Variants in ZC3H12B observed in about 807,000 individuals in gnomAD.
The protein encoded by ZC3H12B is probable ribonuclease ZC3H12B.
A neutral mutation model predicts 43.9 loss-of-function variants in ZC3H12B; 7 were observed. That is an observed-to-expected ratio of 0.16 (90% CI 0.09 to 0.30). The LOEUF (loss-of-function observed/expected upper bound fraction) is 0.30, where lower values mean the gene tolerates loss of function less well. ZC3H12B is among the 10% of genes least tolerant of loss of function. The pLI is 1.00. For missense variants in ZC3H12B, 475 were observed against 670.2 expected, an observed-to-expected ratio of 0.71 and a Z score of 3.22; for synonymous variants, 222 against 241.7, an observed-to-expected ratio of 0.92 and a Z score of 0.76.
chrX:65,225,467 T>C, the ZC3H12B span, among the ~76,000 whole-genome samples: 2 of 111,693 alleles, frequency 1.8e-5, no homozygotes, highest in African/African-American at 3.3e-5. Context: ...AAGCAGAGCG[T>C]CTCTCCTCCT....
the ZC3H12B span, among the ~76,000 whole-genome samples, chrX:65,045,850 G>A: frequency 1.8e-5 from 2 of 111,958 alleles, no homozygotes; most frequent in East Asian, 5.6e-4. Context: ...CTTGATTCAT[G>A]GACCGCAGAA....
chrX:65,356,405 A>C, the ZC3H12B span, among the ~76,000 whole-genome samples: 2 of 112,071 alleles, frequency 1.8e-5, no homozygotes, highest in Non-Finnish European at 3.8e-5. Context: ...CTAAGCACAC[A>C]AAAATGTAAA....
the ZC3H12B span, among the ~76,000 whole-genome samples, chrX:65,159,050 T>G: frequency 1.8e-5 from 2 of 111,920 alleles, no homozygotes; most frequent in East Asian, 2.8e-4. Context: ...CATTGCTTGT[T>G]TTTCTCAGGT....
chrX:65,378,793 G>A (rs981331273), intron 2 of ZC3H12B, among the ~76,000 whole-genome samples: 6 of 112,731 alleles, frequency 5.3e-5, no homozygotes, highest in East Asian at 2.8e-4. Flanking sequence ...TGCCTCACTC[G>A]GGAAGTGCAA....
At chrX:65,384,443 C>T (rs941512366) in intron 2 of ZC3H12B, among the ~76,000 whole-genome samples, 1 of 110,774 alleles carries the variant, frequency 9.0e-6, no homozygotes, top group Non-Finnish European at 1.9e-5. Flanking sequence ...AGTGCACCAG[C>T]ATGGCACATG....
At chrX:65,364,783 G>T (rs757011550), upstream of ZC3H12B, among the ~76,000 whole-genome samples, 5 of 111,420 alleles carry the variant, frequency 4.5e-5, no homozygotes, top group East Asian at 5.7e-4. Flanking sequence ...TATTTCATCT[G>T]CTATTCTACT....
chrX:65,314,932 A>G, the ZC3H12B span, among the ~76,000 whole-genome samples: 7 of 111,478 alleles, frequency 6.3e-5, no homozygotes, highest in Non-Finnish European at 1.3e-4. Flanking sequence ...TTAACTCTAA[A>G]TTAACTGTAA....
At chrX:65,291,222 G>T in the ZC3H12B span, among the ~76,000 whole-genome samples, 1 of 111,269 alleles carries the variant, frequency 9.0e-6, no homozygotes, top group Non-Finnish European at 1.9e-5. Context: ...CAACCACTAT[G>T]TAAACAGTAT....
the ZC3H12B span, among the ~76,000 whole-genome samples, chrX:65,274,459 A>G: frequency 9.1e-6 from 1 of 109,547 alleles, no homozygotes; most frequent in African/African-American, 3.3e-5. Flanking sequence ...GAATGTCACA[A>G]CCCCAGCTGT....
chrX:65,110,439 GTC>G, the ZC3H12B span, among the ~76,000 whole-genome samples: 27 of 106,843 alleles, frequency 2.5e-4, no homozygotes, highest in Admixed American at 1.4e-3. Flanking sequence ...TTACATTTAA[GTC>G]TCTGATCCAT....
intron 1 of ZC3H12B, among the ~76,000 whole-genome samples, chrX:65,493,646 A>T (rs1221361331): frequency 9.0e-6 from 1 of 111,436 alleles, no homozygotes; most frequent in Non-Finnish European, 1.9e-5. Context: ...ACAATTGCAG[A>T]GGGTGGGGCT....
chrX:65,427,418 T>C (rs1014717375), intron 3 of ZC3H12B, among the ~76,000 whole-genome samples: 1 of 111,118 alleles, frequency 9.0e-6, no homozygotes, highest in African/African-American at 3.3e-5. Flanking sequence ...AACCTCAGCC[T>C]CCTAGGTTCA....
the ZC3H12B span, among the ~76,000 whole-genome samples, chrX:65,228,189 T>C: frequency 1.8e-5 from 2 of 111,732 alleles, no homozygotes; most frequent in Non-Finnish European, 3.8e-5. Flanking sequence ...TCCACCATGA[T>C]CAAGTAGGCT....
At chrX:65,293,123 G>T in the ZC3H12B span, among the ~76,000 whole-genome samples, 50 of 111,915 alleles carry the variant, frequency 4.5e-4, no homozygotes, top group Non-Finnish European at 8.1e-4. Context: ...CACAGAAAAA[G>T]CAGGTGATGG....
chrX:65,173,633 G>A, the ZC3H12B span, among the ~76,000 whole-genome samples: 1 of 111,628 alleles, frequency 9.0e-6, no homozygotes, highest in African/African-American at 3.3e-5. Flanking sequence ...TAGCATGAAG[G>A]GATGTTGAAT....
the ZC3H12B span, among the ~76,000 whole-genome samples, chrX:65,339,243 C>G: frequency 9.0e-6 from 1 of 111,036 alleles, no homozygotes; most frequent in East Asian, 2.8e-4. Flanking sequence ...AGAGAATGGA[C>G]AGAGGGAAGA....
At chrX:65,379,333 C>T (rs895435208) in intron 2 of ZC3H12B, among the ~76,000 whole-genome samples, 54 of 111,559 alleles carry the variant, frequency 4.8e-4, no homozygotes, top group African/African-American at 1.5e-3. Flanking sequence ...GGAGACACCC[C>T]CCAGCAAGGG....
chrX:65,187,943 C>A, the ZC3H12B span, among the ~76,000 whole-genome samples: 133 of 110,952 alleles, frequency 1.2e-3, 1 homozygote, highest in Admixed American at 2.1e-3. Context: ...CATCCCTAAC[C>A]TTACCCTCCA....
At chrX:65,108,181 A>G in the ZC3H12B span, among the ~76,000 whole-genome samples, 1,566 of 111,620 alleles carry the variant, frequency 0.014, 13 homozygotes, top group Non-Finnish European at 0.018. Flanking sequence ...TACATACTGT[A>G]GACTTTATAA....
Sources: gnomAD v4.1 joint callset for allele counts (sites outside exome capture counted in the v4.1 genomes callset) on GRCh38, gnomAD v4.1.1 for gene constraint, MANE v1.5 for transcripts, NCBI Gene and HGNC (gene_info 2026-07-23, HGNC 2026-07-21) for gene names.